GARNL3: variants seen among roughly 807,000 people sequenced by gnomAD.
The protein encoded by GARNL3 is GTPase-activating Rap/Ran-GAP domain-like protein 3.
GARNL3 carries 63 observed loss-of-function variants against 125.0 expected under a neutral mutation model. That is an observed-to-expected ratio of 0.50 (90% CI 0.41 to 0.62). The LOEUF (loss-of-function observed/expected upper bound fraction) is 0.62. GARNL3 is among the 20% of genes least tolerant of loss of function. The pLI, the probability that GARNL3 is intolerant of heterozygous loss-of-function variation, is 0.00. For synonymous variants in GARNL3, 439 were observed against 457.5 expected (o/e 0.96, Z 0.52); for missense variants, 994 against 1,244.0 (o/e 0.80, Z 3.02).
intron 8 of GARNL3, 62 bp downstream of exon 8, chr9:127,332,411 C>A: frequency 4.7e-6 from 6 of 1,287,068 alleles, no homozygotes; most frequent in Non-Finnish European, 5.6e-6. Flanking sequence ...TGCATTCTTG[C>A]CAGTTGGAGC....
chr9:127,314,176 A>G lies in GARNL3; in HGVS notation c.438+617A>G, dbSNP rs574124409. Among the ~76,000 whole-genome samples the G allele has an allele frequency of 2.6e-5, 4 of 152,306 alleles. No individual in the cohort carries two copies. The East Asian group carries it at 5.8e-4, about 22-fold the overall frequency. On this transcript the variant is annotated intron_variant, in intron 4 of 27. Transcript: ENST00000373387. ...GTCTCCGCTAGTCTCTGAATCTCTT[A>G]GAAGCTCTCCATCCCTTCCTGGGGC...
chr9:127,338,111 C>A lies in GARNL3; in HGVS notation c.983-5C>A. ...TGTGATTAGTTCCCTTAACCATCAC[C>A]ACAGATATTTTTGCCTTAGTGAGAT... is the stretch of plus-strand genomic sequence containing the variant. On this transcript the variant is annotated splice_region_variant and splice_polypyrimidine_tract_variant and intron_variant, in intron 11 of 27. Transcript: ENST00000373387. The A allele has an allele frequency of 6.2e-7, 1 of 1,606,492 alleles. No homozygotes were observed. Among genetic ancestry groups the A allele is most frequent in the Non-Finnish European group, 8.5e-7 (1 of 1,173,008 alleles).
chr9:127,243,896 G>A (rs915103051), intron 2 of GARNL3, among the ~76,000 whole-genome samples: 9 of 152,214 alleles, frequency 5.9e-5, no homozygotes, highest in African/African-American at 2.2e-4. Context: ...ATACAAGAGA[G>A]GGGTACTTAG....
upstream of GARNL3, among the ~76,000 whole-genome samples, chr9:127,261,407 G>GTTTT (rs377048911): frequency 2.7e-4 from 32 of 117,140 alleles, no homozygotes; most frequent in Admixed American, 1.4e-3. Flanking sequence ...TTTTTTGTTG[G>GTTTT]TTTTTTTTTT....
intron 14 of GARNL3, 33 bp from the exon 15 acceptor site, chr9:127,344,198 CTGTT>C (rs1830015025): frequency 8.5e-6 from 12 of 1,408,322 alleles, no homozygotes; most frequent in Non-Finnish European, 1.1e-5. Context: ...GACTTAACAA[CTGTT>C]TGTGGAATTC....
chr9:127,347,593 A>G (rs1361943218), intron 16 of GARNL3, among the ~76,000 whole-genome samples: 1 of 152,196 alleles, frequency 6.6e-6, no homozygotes, highest in Non-Finnish European at 1.5e-5. Context: ...TTCTGGGCAG[A>G]AAACATATTG....
rs528709246 is a variant in GARNL3 at position 127,280,768 on chromosome 9, A to G, written c.145-10400A>G. On this transcript the variant is annotated intron_variant, in intron 1 of 27. Transcript: ENST00000373387. This position sits in a 1 kb window ranked among gnomAD's most constrained non-coding sequence, Gnocchi z 4.5. ...TTTTAATTAGAAAGCCAAGACAGGT[A>G]TATTTTGAGCTGGAAAGCTACATGA... 6.6e-6 allele frequency among the ~76,000 whole-genome samples: 1 copy of G among 152,218 alleles called. No homozygotes were observed. Among genetic ancestry groups the G allele is most frequent in the Non-Finnish European group, 1.5e-5 (1 of 68,046 alleles).
At chr9:127,226,074 C>G (rs1053829971) in intron 1 of GARNL3, among the ~76,000 whole-genome samples, 1 of 152,202 alleles carries the variant, frequency 6.6e-6, no homozygotes, top group Non-Finnish European at 1.5e-5. Context: ...GCCACACTTC[C>G]CATCTCTGTT....
At chr9:127,369,202 ACT>A (rs1021320953) in intron 22 of GARNL3, 4 of 151,834 alleles carry the variant, frequency 2.6e-5, no homozygotes, top group South Asian at 2.1e-4. Context: ...AAAAAGGAAG[ACT>A]CTGCAGTTTG....
intron 13 of GARNL3, among the ~76,000 whole-genome samples, chr9:127,340,230 T>C (rs1471288306): frequency 1.3e-5 from 2 of 152,142 alleles, no homozygotes; most frequent in African/African-American, 4.8e-5. Flanking sequence ...GAGAACATAA[T>C]GTGTGTAGAC....
intron 2 of GARNL3, among the ~76,000 whole-genome samples, chr9:127,302,098 A>G (rs931077279): frequency 4.0e-5 from 6 of 151,294 alleles, no homozygotes; most frequent in African/African-American, 1.5e-4. Context: ...GCCTGCCACC[A>G]CACCTGGCTA....
Position 127,393,147 on chromosome 9 carries a change from A to G in GARNL3, c.2935A>G (p.Ser979Gly), listed in dbSNP as rs138794455. ...SEANPEGHSA[S>G]SDQDPVADRE... ...AGCCAACCCTGAGGGGCACTCAGCC[A>G]GCTCTGACCAGGACCCTGTGGCAGA... The change falls in exon 28 of 28, where the codon AGC (serine) becomes GGC (glycine). Residue 979 changes from serine to glycine, a missense_variant. By Grantham distance (56) the Ser-to-Gly change is moderately conservative. Around this residue, in one of 5 missense-constraint regions of GARNL3, gnomAD observed 728 missense variants for 865.7 expected, o/e 0.84. Coordinates refer to ENST00000373387, the MANE Select transcript of GARNL3 (RefSeq NM_032293.5). The G allele has an allele frequency of 2.9e-5, 46 of 1,612,904 alleles. No homozygotes were observed. The highest frequency in any genetic ancestry group is 3.3e-4 in the Middle Eastern group (2 of 6,080).
At chr9:127,391,533 A>AAAAAAAAAAAAAAAAAATATAT in intron 27 of GARNL3, among the ~76,000 whole-genome samples, 1 of 75,874 alleles carries the variant, frequency 1.3e-5, no homozygotes, top group East Asian at 3.9e-4. Flanking sequence ...ACAAAAAAAA[A>AAAAAAAAAAAAAAAAAATATAT]ATATATATAT....
intron 2 of GARNL3, among the ~76,000 whole-genome samples, chr9:127,307,533 AG>A (rs1409990699): frequency 6.6e-6 from 1 of 152,232 alleles, no homozygotes; most frequent in East Asian, 1.9e-4. Flanking sequence ...TAACTGTGAT[AG>A]GCAACTGATC....
intron 1 of GARNL3, among the ~76,000 whole-genome samples, chr9:127,227,880 A>G (rs1457939212): frequency 6.6e-6 from 1 of 152,186 alleles, no homozygotes; most frequent in African/African-American, 2.4e-5. Context: ...TGATTGCACC[A>G]CTGCACCCCA....
chr9:127,259,225 A>G (rs1193223054), upstream of GARNL3, among the ~76,000 whole-genome samples: 2 of 152,154 alleles, frequency 1.3e-5, no homozygotes, highest in South Asian at 2.1e-4. Flanking sequence ...CATCATGGAA[A>G]TCTGTCTAGC....
At chr9:127,391,334 T>TTA (rs1035721297) in intron 27 of GARNL3, among the ~76,000 whole-genome samples, 16 of 144,348 alleles carry the variant, frequency 1.1e-4, no homozygotes, top group African/African-American at 2.3e-4. Flanking sequence ...TTAATATCTA[T>TTA]TATATATATA....
intron 1 of GARNL3, among the ~76,000 whole-genome samples, chr9:127,265,755 CCTA>C (rs1564861367): frequency 1.3e-5 from 2 of 152,094 alleles, no homozygotes; most frequent in Admixed American, 6.5e-5. Context: ...AATGACATTG[CCTA>C]CTATTTCTAT....
chr9:127,387,222 T>C lies in GARNL3; in HGVS notation c.2418T>C (p.Ala806=). Residue 806 remains alanine (A), a synonymous_variant, in exon 25 of 28, where the codon GCT becomes GCC. Coordinates refer to ENST00000373387, the MANE Select transcript of GARNL3 (RefSeq NM_032293.5). ...RSDIYFTATA[A]VNEVSSGGSS... ...ATATATACTTCACAGCAACTGCAGC[T>C]GTGAATGAGGTCTCATCTGGAGGCA... is the stretch of plus-strand genomic sequence containing the variant. The C allele has an allele frequency of 6.2e-7, 1 of 1,614,036 alleles. No homozygotes were observed. The highest frequency in any genetic ancestry group is 8.5e-7 in the Non-Finnish European group (1 of 1,179,982).
Sources: gnomAD v4.1 joint callset for allele counts (sites outside exome capture counted in the v4.1 genomes callset) on GRCh38, gnomAD v4.1.1 for gene constraint, gnomAD v4.1.1 regional missense constraint, Gnocchi (gnomAD v3.1) non-coding constraint, MANE v1.5 for transcripts, NCBI Gene and HGNC (gene_info 2026-07-23, HGNC 2026-07-21) for gene names.